SMIM35: variants seen among roughly 807,000 people sequenced by gnomAD.
SMIM35 encodes the protein TMPRSS4 antisense RNA 1 (non-protein coding).
chr11:118,054,899 G>A (rs1332207849), intron 1 of SMIM35, among the ~76,000 whole-genome samples: 1 of 151,482 alleles, frequency 6.6e-6, no homozygotes, highest in Non-Finnish European at 1.5e-5. Context: ...CACCTCCCAG[G>A]TTCAAGCGAT....
At position 118,085,695 on chromosome 11, in the gene SMIM35, G is replaced by A. The variant is rs185029113; in HGVS notation, c.7+1056C>T. 1.1e-4 allele frequency among the ~76,000 whole-genome samples: 17 copies of A among 152,288 alleles called. No homozygotes were observed. The East Asian group carries it at 3.1e-3, about 28-fold the overall frequency. Reference sequence around the variant, plus strand: ...TTAAAATCCATCAGCCCTTCCCAATGGCAAACCCATGAGGGTCCCTGCCAG... The same window carrying A: ...TTAAAATCCATCAGCCCTTCCCAATAGCAAACCCATGAGGGTCCCTGCCAG... On this transcript the variant is annotated intron_variant, in intron 1 of 4. Transcript: ENST00000689828.
intron 1 of SMIM35, among the ~76,000 whole-genome samples, chr11:118,018,233 G>A (rs1307300719): frequency 6.6e-6 from 1 of 152,130 alleles, no homozygotes; most frequent in Non-Finnish European, 1.5e-5. Flanking sequence ...AATGAGGGGA[G>A]CTTGGCTTTT....
chr11:118,030,916 C>T (rs1002478030), intron 1 of SMIM35, among the ~76,000 whole-genome samples: 1 of 151,722 alleles, frequency 6.6e-6, no homozygotes, highest in African/African-American at 2.4e-5. Context: ...ATGGTGCAGC[C>T]CAGCATGAAG....
Position 118,046,551 on chromosome 11 carries a change from C to T in SMIM35, c.8-30742G>A, listed in dbSNP as rs183262392. On this transcript the variant is annotated intron_variant, in intron 1 of 4. Coordinates refer to ENST00000689828, the MANE Select transcript of SMIM35 (RefSeq NM_001394165.1). ...CAACAGACGCCTGGATATCAAGAAC[C>T]TTGCCTTAAGTCTGAGCCAAGTTGT... Among the ~76,000 whole-genome samples the T allele has an allele frequency of 9.8e-5, 15 of 152,286 alleles. No homozygotes were observed. In the East Asian group the frequency reaches 2.9e-3, roughly 29 times the overall value.
At chr11:118,045,922 T>G (rs1229649790) in intron 1 of SMIM35, among the ~76,000 whole-genome samples, 1 of 152,232 alleles carries the variant, frequency 6.6e-6, no homozygotes, top group Non-Finnish European at 1.5e-5. Flanking sequence ...AAGATTGAGT[T>G]TTAATCCTCT....
intron 4 of SMIM35, among the ~76,000 whole-genome samples, chr11:118,012,680 C>T (rs2058156397): frequency 6.6e-6 from 1 of 152,146 alleles, no homozygotes; most frequent in Non-Finnish European, 1.5e-5. Context: ...AGAACAGGCC[C>T]AGATTGGGGA....
chr11:118,039,232 C>T (rs1044232968), intron 1 of SMIM35, among the ~76,000 whole-genome samples: 4 of 152,210 alleles, frequency 2.6e-5, no homozygotes, highest in African/African-American at 9.7e-5. Flanking sequence ...GAATTACTGT[C>T]TCTGCCATGG....
chr11:118,029,726 C>T (rs1437036973), intron 1 of SMIM35: 3 of 457,272 alleles, frequency 6.6e-6, no homozygotes, highest in African/African-American at 6.0e-5. Flanking sequence ...CTACCCTCTG[C>T]CCCAGAAACA....
At chr11:118,022,113 C>T (rs2058235749) in intron 1 of SMIM35, among the ~76,000 whole-genome samples, 1 of 146,052 alleles carries the variant, frequency 6.8e-6, no homozygotes, top group Admixed American at 7.0e-5. Context: ...AATCTCAGCT[C>T]ACAACAACCT....
At chr11:118,032,929 A>C (rs1225402764) in intron 1 of SMIM35, among the ~76,000 whole-genome samples, 1 of 152,176 alleles carries the variant, frequency 6.6e-6, no homozygotes, top group African/African-American at 2.4e-5. Flanking sequence ...CAACAACAAA[A>C]AAAGGAGTTT....
At chr11:118,033,382 A>G (rs1393052571) in intron 1 of SMIM35, among the ~76,000 whole-genome samples, 1 of 152,216 alleles carries the variant, frequency 6.6e-6, no homozygotes, top group Non-Finnish European at 1.5e-5. Flanking sequence ...TGTTTTGGTC[A>G]AAGTCCTTTG....
intron 1 of SMIM35, among the ~76,000 whole-genome samples, chr11:118,041,597 A>T (rs1452135986): frequency 6.6e-6 from 1 of 152,230 alleles, no homozygotes; most frequent in Non-Finnish European, 1.5e-5. Flanking sequence ...AGGGAAATTT[A>T]AAAAACTTGG....
chr11:118,061,670 C>T (rs1944397700), intron 1 of SMIM35, among the ~76,000 whole-genome samples: 1 of 152,140 alleles, frequency 6.6e-6, no homozygotes. Context: ...GCTTATGTTC[C>T]CCACAGCCCT....
intron 1 of SMIM35, among the ~76,000 whole-genome samples, chr11:118,046,581 C>T (rs574637547): frequency 6.6e-6 from 1 of 152,288 alleles, no homozygotes; most frequent in East Asian, 1.9e-4. Context: ...AGTTGTCCCT[C>T]CAATTAAGGC....
At chr11:118,017,952 A>T (rs1339533680) in intron 1 of SMIM35, among the ~76,000 whole-genome samples, 1 of 152,220 alleles carries the variant, frequency 6.6e-6, no homozygotes, top group Non-Finnish European at 1.5e-5. Flanking sequence ...ACCTCCCACC[A>T]GGTCCTTCCC....
At chr11:118,016,775 A>G (rs1001234747) in intron 1 of SMIM35, among the ~76,000 whole-genome samples, 11 of 152,362 alleles carry the variant, frequency 7.2e-5, no homozygotes, top group Admixed American at 2.6e-4. Context: ...TGTTGTGACA[A>G]TTAAAAGAGA....
chr11:118,070,430 G>A (rs778416547), intron 1 of SMIM35, among the ~76,000 whole-genome samples: 4 of 152,182 alleles, frequency 2.6e-5, no homozygotes, highest in Non-Finnish European at 5.9e-5. Context: ...ATCTGCCTCG[G>A]CCTCCCAAAG....
chr11:118,018,757 A>C (rs1320705893), intron 1 of SMIM35, among the ~76,000 whole-genome samples: 1 of 152,210 alleles, frequency 6.6e-6, no homozygotes, highest in Non-Finnish European at 1.5e-5. Context: ...TGTCTTCTAC[A>C]CAGTGCCTTC....
At chr11:118,080,368 G>A (rs565013159) in intron 1 of SMIM35, among the ~76,000 whole-genome samples, 2 of 152,166 alleles carry the variant, frequency 1.3e-5, no homozygotes, top group East Asian at 1.9e-4. Context: ...ACAGGCTCTC[G>A]CTGTGGCTGG....
Sources: allele counts gnomAD v4.1 joint callset (sites outside exome capture counted in the v4.1 genomes callset), GRCh38; gene constraint gnomAD v4.1.1; transcripts MANE v1.5; gene names NCBI Gene and HGNC (gene_info 2026-07-23, HGNC 2026-07-21).